Variants in FNDC3B observed in about 807,000 individuals in gnomAD.
The protein encoded by FNDC3B is fibronectin type III domain containing 3B, also known as fibronectin type III domain-containing protein 3B.
FNDC3B carries 12 observed loss-of-function variants against 151.5 expected under a neutral mutation model. The ratio of observed to expected loss-of-function variants is 0.08; its 90% CI spans 0.05 to 0.13. The LOEUF (loss-of-function observed/expected upper bound fraction) is 0.13, where lower values mean the gene tolerates loss of function less well. Ranked by LOEUF, FNDC3B falls within the 10% of genes least tolerant of loss-of-function variation. The pLI is 1.00. For synonymous variants in FNDC3B, 528 were observed against 549.0 expected (o/e 0.96, Z 0.54); for missense variants, 1,214 against 1,505.3 (o/e 0.81, Z 3.20).
chr3:172,346,876 G>A (rs747746935), intron 20 of FNDC3B, among the ~76,000 whole-genome samples: 4 of 151,886 alleles, frequency 2.6e-5, no homozygotes, highest in Non-Finnish European at 5.9e-5. Context: ...GCTAGTTTTT[G>A]TACTTTTAGT....
rs1024743366 is a variant in FNDC3B at position 172,122,188 on chromosome 3, A to G, written c.111+9598A>G. ...TTAAACATATGACTATATAAAATAT[A>G]TGCGTTACACTCCAAACATGACAGT... On this transcript the variant is annotated intron_variant, in intron 2 of 25. Transcript: ENST00000415807. 1.3e-5 allele frequency among the ~76,000 whole-genome samples: 2 copies of G among 152,250 alleles called. 1 individual carries two copies. The highest frequency in any genetic ancestry group is 6.3e-3 in the Middle Eastern group (2 of 316).
Position 172,174,719 on chromosome 3 carries a change from G to A in FNDC3B, c.187+41173G>A, listed in dbSNP as rs189461585. On this transcript the variant is annotated intron_variant, in intron 3 of 25. Coordinates refer to ENST00000415807, the MANE Select transcript of FNDC3B (RefSeq NM_022763.4). Reference sequence around the variant, plus strand: ...GGGAGGGCGACAGCAAAGGCATGGTGAAATTTCTTTAAAAATCTTAGTAGA... The same window carrying A: ...GGGAGGGCGACAGCAAAGGCATGGTAAAATTTCTTTAAAAATCTTAGTAGA... Among the ~76,000 whole-genome samples the A allele has an allele frequency of 1.2e-3, 190 of 152,214 alleles. 1 individual carries two copies. Among genetic ancestry groups the A allele is most frequent in the African/African-American group, 4.3e-3 (179 of 41,538 alleles).
intron 22 of FNDC3B, among the ~76,000 whole-genome samples, chr3:172,359,310 A>T (rs1278589401): frequency 6.6e-6 from 1 of 152,130 alleles, no homozygotes; most frequent in Admixed American, 6.5e-5. Flanking sequence ...TAAGGAACTC[A>T]TTACCTCATT....
At chr3:172,205,039 T>G (rs1410857584) in intron 3 of FNDC3B, among the ~76,000 whole-genome samples, 2 of 152,226 alleles carry the variant, frequency 1.3e-5, no homozygotes, top group Non-Finnish European at 2.9e-5. Flanking sequence ...AAGGTAGATT[T>G]CTGTGTAGTT....
intron 3 of FNDC3B, among the ~76,000 whole-genome samples, chr3:172,168,061 C>CTA (rs1453411255): frequency 2.0e-5 from 3 of 152,214 alleles, no homozygotes; most frequent in Admixed American, 2.0e-4. Flanking sequence ...GGTCTTTTCT[C>CTA]TATACAGAAC....
At chr3:172,114,347 A>G (rs748812953) in intron 2 of FNDC3B, among the ~76,000 whole-genome samples, 28 of 152,308 alleles carry the variant, frequency 1.8e-4, no homozygotes, top group Non-Finnish European at 3.5e-4. Flanking sequence ...GTATTTAGTC[A>G]AATGTGAGTA....
At chr3:172,277,883 AT>A (rs1445240751) in intron 6 of FNDC3B, among the ~76,000 whole-genome samples, 15 of 152,138 alleles carry the variant, frequency 9.9e-5, no homozygotes, top group African/African-American at 3.4e-4. Context: ...GGCTATAGGC[AT>A]TTTAGTATGT....
chr3:172,266,222 T>C (rs978723219), intron 6 of FNDC3B, among the ~76,000 whole-genome samples: 5 of 152,216 alleles, frequency 3.3e-5, no homozygotes, highest in African/African-American at 9.6e-5. Context: ...ACTGTTTTTC[T>C]TTTCATATTG....
chr3:172,174,944 C>CCCCCCCCCCCCTCCCCCCCG (rs924176605), intron 3 of FNDC3B, among the ~76,000 whole-genome samples: 1 of 50,654 alleles, frequency 2.0e-5, no homozygotes, highest in African/African-American at 5.2e-5. Context: ...CCCCCCCCCC[C>CCCCCCCCCCCCTCCCCCCCG]CCAATACAAT....
rs1445754080 is a variant in FNDC3B at position 172,353,043 on chromosome 3, A to G, written c.2755A>G (p.Met919Val). ...DTSITVGNTT[M>V]HVMKDLLPET... ...TAGCATTACCGTGGGCAACACCACC[A>G]TGCATGTTATGAAAGATCTCCTTCC... is the stretch of plus-strand genomic sequence containing the variant. Residue 919 changes from methionine to valine, a missense_variant, in exon 22 of 26, where the codon ATG becomes GTG. Coordinates refer to ENST00000415807, the MANE Select transcript of FNDC3B (RefSeq NM_022763.4). The G allele has an allele frequency of 1.2e-6, 2 of 1,614,132 alleles. No individual in the cohort carries two copies. Among genetic ancestry groups the G allele is most frequent in the Non-Finnish European group, 8.5e-7 (1 of 1,180,006 alleles).
chr3:172,212,940 C>G (rs1053288082), intron 3 of FNDC3B, among the ~76,000 whole-genome samples: 2 of 152,050 alleles, frequency 1.3e-5, no homozygotes, highest in African/African-American at 4.8e-5. Context: ...TAATGTATCA[C>G]GAGGACAGTT....
At chr3:172,229,142 CCTG>C (rs1726758127) in intron 4 of FNDC3B, among the ~76,000 whole-genome samples, 1 of 149,044 alleles carries the variant, frequency 6.7e-6, no homozygotes, top group Non-Finnish European at 1.5e-5. Flanking sequence ...CACACAATCT[CCTG>C]CAGCAGGCTG....
chr3:172,151,796 G>T (rs1722237069), intron 3 of FNDC3B, among the ~76,000 whole-genome samples: 1 of 152,180 alleles, frequency 6.6e-6, no homozygotes. Context: ...GAGTTGCGTT[G>T]TTTCCTTCGA....
intron 3 of FNDC3B, among the ~76,000 whole-genome samples, chr3:172,145,002 CT>C (rs1052349136): frequency 1.9e-3 from 274 of 145,994 alleles, no homozygotes; most frequent in African/African-American, 4.8e-3. Flanking sequence ...CCCCCTACCA[CT>C]TTTTTTTTTT....
At chr3:172,318,024 A>G (rs1731897198) in intron 11 of FNDC3B, among the ~76,000 whole-genome samples, 1 of 152,220 alleles carries the variant, frequency 6.6e-6, no homozygotes, top group African/African-American at 2.4e-5. Context: ...GATACACAGA[A>G]TAACCAGAAA....
intron 3 of FNDC3B, among the ~76,000 whole-genome samples, chr3:172,191,592 G>C (rs1724510675): frequency 6.6e-6 from 1 of 152,092 alleles, no homozygotes; most frequent in Admixed American, 6.6e-5. Context: ...AACCTCCTGG[G>C]CTCAAACAAT....
chr3:172,118,394 A>C (rs1177239792), intron 2 of FNDC3B, among the ~76,000 whole-genome samples: 1 of 152,326 alleles, frequency 6.6e-6, no homozygotes, highest in African/African-American at 2.4e-5. Flanking sequence ...ACCCGTGAAG[A>C]GTTTTGCTTA....
intron 6 of FNDC3B, among the ~76,000 whole-genome samples, chr3:172,279,264 G>A (rs924628032): frequency 6.6e-6 from 1 of 152,126 alleles, no homozygotes; most frequent in African/African-American, 2.4e-5. Context: ...GTGAATTCCA[G>A]AAATAGCAAC....
intron 16 of FNDC3B, among the ~76,000 whole-genome samples, chr3:172,339,218 T>G (rs576238522): frequency 3.3e-5 from 5 of 152,228 alleles, no homozygotes; most frequent in African/African-American, 1.2e-4. Context: ...AGAATTCTTT[T>G]GAGATGAGCA....
Sources: allele counts gnomAD v4.1 joint callset (sites outside exome capture counted in the v4.1 genomes callset), GRCh38; gene constraint gnomAD v4.1.1; transcripts MANE v1.5; gene names NCBI Gene and HGNC (gene_info 2026-07-23, HGNC 2026-07-21).